Variants in PHACTR1 observed in about 807,000 individuals in gnomAD.
PHACTR1 encodes RPEL repeat containing 1.
In PHACTR1, 16 loss-of-function variants were observed where a neutral mutation model predicts 69.2. That is an observed-to-expected ratio of 0.23 (90% CI 0.16 to 0.35). PHACTR1 has a LOEUF of 0.35. Among genes scored for constraint, PHACTR1 ranks in the 10% least tolerant of loss-of-function variants. The probability of loss-of-function intolerance (pLI) is 1.00; values close to 1 mark genes in which losing one functional copy is unlikely to be tolerated. For missense variants in PHACTR1, 510 were observed against 734.7 expected (o/e 0.69, Z 3.54); for synonymous variants, 312 against 284.5 (o/e 1.10, Z -0.97).
chr6:13,055,939 C>A (rs1806714940), intron 5 of PHACTR1, among the ~76,000 whole-genome samples: 1 of 152,218 alleles, frequency 6.6e-6, no homozygotes, highest in African/African-American at 2.4e-5. Context: ...GTTCTTGTGA[C>A]CTCTGTGGCC....
intron 6 of PHACTR1, 94 bp from the exon 7 acceptor site, chr6:13,182,425 T>C: frequency 1.5e-6 from 2 of 1,356,210 alleles, no homozygotes; most frequent in Non-Finnish European, 2.1e-6. Flanking sequence ...ACCTTGATTG[T>C]TCAGCAGCAT....
chr6:13,251,425 C>T (rs373926397), intron 10 of PHACTR1, among the ~76,000 whole-genome samples: 13 of 152,284 alleles, frequency 8.5e-5, no homozygotes, highest in Non-Finnish European at 1.6e-4. Context: ...AGGTTCTCAC[C>T]GGCCTCCAGC....
chr6:13,077,698 A>T (rs1218697762), intron 5 of PHACTR1, among the ~76,000 whole-genome samples: 1 of 152,150 alleles, frequency 6.6e-6, no homozygotes, highest in Non-Finnish European at 1.5e-5. Context: ...TACAACCAAC[A>T]GGAACAGGGG....
intron 4 of PHACTR1, among the ~76,000 whole-genome samples, chr6:12,906,418 A>G (rs992732028): frequency 2.0e-5 from 3 of 152,356 alleles, no homozygotes; most frequent in Non-Finnish European, 4.4e-5. Context: ...GCTTTCAATG[A>G]AAAGTGCTCT....
chr6:13,163,983 C>G (rs1037727571), intron 6 of PHACTR1, among the ~76,000 whole-genome samples: 1 of 152,046 alleles, frequency 6.6e-6, no homozygotes, highest in African/African-American at 2.4e-5. Context: ...GTGCCTCACC[C>G]TAGGTGACCC....
At position 12,738,489 on chromosome 6, in the gene PHACTR1, T is replaced by C. The variant is rs191435999; in HGVS notation, c.104-11155T>C. On this transcript the variant is annotated intron_variant, in intron 3 of 14. Transcript: ENST00000332995. The stretch of plus-strand genomic sequence containing the variant: ...TTATCAGTTCGTGCTTGATCTTTAC[T>C]ATGATGGCTGCAAACTGATGATTTT... Among the ~76,000 whole-genome samples, 22 of 152,332 alleles carry C rather than the reference T, an allele frequency of 1.4e-4. 1 individual carries two copies. In the East Asian group the frequency reaches 4.2e-3, roughly 29 times the overall value.
In PHACTR1 at chr6:13,027,952, C is replaced by G. The variant is rs150123697; in HGVS notation, c.251-25413C>G. On this transcript the variant is annotated intron_variant, in intron 4 of 14. Coordinates refer to ENST00000332995, the MANE Select transcript of PHACTR1 (RefSeq NM_030948.6). ...TAGGCCTCCCAAAGTGCTGGGATTACAGGTGTGAGCCAACGCGCCTGGCCT... is the reference window on the plus strand; with the variant it reads ...TAGGCCTCCCAAAGTGCTGGGATTAGAGGTGTGAGCCAACGCGCCTGGCCT... Among the ~76,000 whole-genome samples, 1,522 of 152,296 alleles carry G rather than the reference C, an allele frequency of 1.0e-2. 31 individuals are homozygous for G. The highest frequency in any genetic ancestry group is 0.035 in the African/African-American group (1,442 of 41,548).
chr6:13,158,184 TTAGCAGATC>T (rs141501966), intron 5 of PHACTR1, among the ~76,000 whole-genome samples: 1,811 of 152,158 alleles, frequency 0.012, 37 homozygotes, highest in African/African-American at 0.039. Context: ...GCCCGGCTGC[TTAGCAGATC>T]TTTTCAAATC....
At chr6:13,067,916 G>C (rs1808903464) in intron 5 of PHACTR1, among the ~76,000 whole-genome samples, 1 of 152,160 alleles carries the variant, frequency 6.6e-6, no homozygotes, top group Non-Finnish European at 1.5e-5. Flanking sequence ...AGGTGGTATA[G>C]ACTAGTGGTT....
intron 7 of PHACTR1, among the ~76,000 whole-genome samples, chr6:13,197,373 C>T (rs563041092): frequency 6.6e-6 from 1 of 152,260 alleles, no homozygotes; most frequent in East Asian, 1.9e-4. Context: ...TTGCATGGAG[C>T]TGTGTAGTTA....
At chr6:13,072,497 A>G (rs1809690959) in intron 5 of PHACTR1, among the ~76,000 whole-genome samples, 1 of 146,860 alleles carries the variant, frequency 6.8e-6, no homozygotes. Context: ...TCATTTTTTC[A>G]TAATAATTCC....
At chr6:12,848,844 G>T (rs543579240) in intron 4 of PHACTR1, among the ~76,000 whole-genome samples, 1 of 152,006 alleles carries the variant, frequency 6.6e-6, no homozygotes, top group Admixed American at 6.6e-5. Flanking sequence ...TTAAGAAAGG[G>T]TTGTAAATTC....
At chr6:12,960,481 G>A (rs917218089) in intron 4 of PHACTR1, among the ~76,000 whole-genome samples, 2 of 152,194 alleles carry the variant, frequency 1.3e-5, no homozygotes, top group Non-Finnish European at 2.9e-5. Context: ...GTTTTGGACA[G>A]AAGGGTCAAT....
chr6:13,253,865 A>T (rs1419648436), intron 10 of PHACTR1, among the ~76,000 whole-genome samples: 2 of 152,264 alleles, frequency 1.3e-5, no homozygotes, highest in Non-Finnish European at 2.9e-5. Flanking sequence ...AAGGGCTAAG[A>T]CAGTAAAGGA....
At chr6:13,083,676 G>T (rs1460571404) in intron 5 of PHACTR1, among the ~76,000 whole-genome samples, 8 of 152,138 alleles carry the variant, frequency 5.3e-5, no homozygotes, top group Non-Finnish European at 1.2e-4. Flanking sequence ...TTGTAAGTTG[G>T]ATTCCTGGGT....
In PHACTR1 at chr6:12,924,668, G is replaced by A. The variant is rs190967822; in HGVS notation, c.251-128697G>A. On this transcript the variant is annotated intron_variant, in intron 4 of 14. Transcript: ENST00000332995. ...CAGGCACCTGTAGTCCCAGCTACTC[G>A]GGAGGCTGAGGTAAGAGAATGGCAT... Among the ~76,000 whole-genome samples the A allele has an allele frequency of 5.8e-3, 881 of 151,710 alleles. 3 individuals are homozygous for A. Among genetic ancestry groups the A allele is most frequent in the Middle Eastern group, 0.01 (3 of 294 alleles).
intron 4 of PHACTR1, among the ~76,000 whole-genome samples, chr6:12,940,269 T>A (rs115925713): frequency 6.1e-4 from 93 of 152,302 alleles, no homozygotes; most frequent in African/African-American, 1.5e-3. Context: ...TAACTCATGG[T>A]GTGGGATGGC....
intron 8 of PHACTR1, among the ~76,000 whole-genome samples, chr6:13,219,988 G>A (rs1768344083): frequency 6.6e-6 from 1 of 152,078 alleles, no homozygotes; most frequent in Non-Finnish European, 1.5e-5. Context: ...TGTGTTCTCA[G>A]AAACCTCATG....
intron 5 of PHACTR1, among the ~76,000 whole-genome samples, chr6:13,079,068 T>G (rs949513668): frequency 9.2e-5 from 14 of 152,236 alleles, no homozygotes; most frequent in African/African-American, 3.1e-4. Flanking sequence ...AGAGCAAATT[T>G]TTTTAAGATA....
Sources: allele counts gnomAD v4.1 joint callset (sites outside exome capture counted in the v4.1 genomes callset), GRCh38; gene constraint gnomAD v4.1.1; transcripts MANE v1.5; gene names NCBI Gene and HGNC (gene_info 2026-07-23, HGNC 2026-07-21).